The following PTPRZ1 variants were observed in gnomAD, a reference collection of about 807,000 sequenced individuals.
PTPRZ1 encodes the protein receptor-type tyrosine-protein phosphatase zeta.
Under a neutral mutation model 214.1 loss-of-function variants are expected in PTPRZ1, and 82 were observed. That is an observed-to-expected ratio of 0.38 (90% CI 0.32 to 0.46). PTPRZ1 has a LOEUF of 0.46. Ranked by LOEUF, PTPRZ1 falls within the 20% of genes least tolerant of loss-of-function variation. The pLI is 1.00. For synonymous variants in PTPRZ1, 945 were observed against 987.9 expected, an observed-to-expected ratio of 0.96 and a Z score of 0.81; for missense variants, 2,603 against 2,748.7, an observed-to-expected ratio of 0.95 and a Z score of 1.19.
intron 25 of PTPRZ1, among the ~76,000 whole-genome samples, chr7:122,052,148 A>G (rs1451412183): frequency 1.3e-5 from 2 of 152,162 alleles, no homozygotes; most frequent in African/African-American, 2.4e-5. Flanking sequence ...CTCAAGCAAG[A>G]CCAATTAGCA....
intron 2 of PTPRZ1, among the ~76,000 whole-genome samples, chr7:121,930,930 A>G (rs1037569576): frequency 1.2e-4 from 19 of 152,158 alleles, no homozygotes; most frequent in Non-Finnish European, 4.4e-5. Flanking sequence ...TAACCATGGA[A>G]GATGACATTA....
chr7:121,912,908 G>A (rs1235232244), intron 1 of PTPRZ1, among the ~76,000 whole-genome samples: 1 of 152,064 alleles, frequency 6.6e-6, no homozygotes, highest in African/African-American at 2.4e-5. Flanking sequence ...GAACAGAGAC[G>A]GGTAAATGAA....
intron 2 of PTPRZ1, among the ~76,000 whole-genome samples, chr7:121,928,899 T>A (rs1795843899): frequency 6.6e-6 from 1 of 152,138 alleles, no homozygotes; most frequent in Admixed American, 6.5e-5. Flanking sequence ...GGGTGAACCA[T>A]GACATGCCTA....
intron 18 of PTPRZ1, among the ~76,000 whole-genome samples, chr7:122,038,509 CT>C (rs140553499): frequency 0.26 from 27,295 of 106,242 alleles, 2,958 homozygotes; most frequent in African/African-American, 0.34. Context: ...GAGAGCTATT[CT>C]TTTTTTTTTT....
At chr7:121,889,940 C>T (rs1236527634) in intron 1 of PTPRZ1, among the ~76,000 whole-genome samples, 1 of 152,176 alleles carries the variant, frequency 6.6e-6, no homozygotes, top group East Asian at 1.9e-4. Flanking sequence ...TTCCTGCCAT[C>T]TCACTAGCCA....
Position 121,973,940 on chromosome 7 carries a change from GAAAAAAAAAAAA to G in PTPRZ1, c.456+1260_456+1271del, listed in dbSNP as rs371692415. ...TGGAGTGAGACGCTGTCTCAAAAAA[GAAAAAAAAAAAA>G]AAAAAAAAAAAGCAATTGATGGAAT... On this transcript the variant is annotated intron_variant, in intron 4 of 29. Transcript: ENST00000393386. 2.4e-4 allele frequency among the ~76,000 whole-genome samples: 21 copies of G among 86,224 alleles called. No individual in the cohort carries two copies. In the Admixed American group the frequency reaches 2.7e-3, roughly 11 times the overall value. The allele number at this position is 86,224 out of a possible 152,430, so 56.6% of individuals were successfully genotyped here.
At chr7:122,044,366 T>C in intron 22 of PTPRZ1, 56 bp from the exon 23 acceptor site, 7 of 1,595,910 alleles carry the variant, frequency 4.4e-6, no homozygotes, top group Non-Finnish European at 6.0e-6. Context: ...TGTTTGTAGG[T>C]AGATACATAT....
intron 23 of PTPRZ1, among the ~76,000 whole-genome samples, chr7:122,045,421 A>T (rs767370865): frequency 2.6e-5 from 4 of 152,126 alleles, no homozygotes; most frequent in Non-Finnish European, 5.9e-5. Context: ...ACAGCATAGG[A>T]TGTTAGCCAC....
At chr7:122,023,489 A>G (rs1008328063) in intron 13 of PTPRZ1, among the ~76,000 whole-genome samples, 3 of 135,152 alleles carry the variant, frequency 2.2e-5, no homozygotes, top group East Asian at 2.0e-4. Context: ...ATAATTTTAT[A>G]TATAATTATA....
chr7:122,048,636 GA>G (rs1308310589), intron 23 of PTPRZ1, among the ~76,000 whole-genome samples: 1 of 151,600 alleles, frequency 6.6e-6, no homozygotes, highest in Non-Finnish European at 1.5e-5. Flanking sequence ...TGTACCCAAA[GA>G]AATGAAAACT....
chr7:121,941,258 C>T (rs1796232888), intron 2 of PTPRZ1, among the ~76,000 whole-genome samples: 2 of 152,216 alleles, frequency 1.3e-5, no homozygotes, highest in South Asian at 4.1e-4. Flanking sequence ...ACAAAGTAAG[C>T]AGAAGACTGG....
Position 122,004,672 on chromosome 7 carries a change from AT to A in PTPRZ1, c.1287+17del. ...AAGAAATAATCAAGGTATCATAGCCATTTTTATATTCAAATGTTTTAATATT... is the reference window on the plus strand; with the variant it reads ...AAGAAATAATCAAGGTATCATAGCCATTTTATATTCAAATGTTTTAATATT... On this transcript the variant is annotated intron_variant, in intron 11 of 29. Coordinates refer to ENST00000393386, the MANE Select transcript of PTPRZ1 (RefSeq NM_002851.3). 1.5e-6 allele frequency: 2 copies of A among 1,319,582 alleles called. No individual in the cohort carries two copies. The highest frequency in any genetic ancestry group is 2.1e-6 in the Non-Finnish European group (2 of 942,390). 81.7% of individuals were successfully genotyped at this position (1,319,582 alleles called of 1,614,324 possible).
At chr7:121,964,079 T>A (rs898152551) in intron 2 of PTPRZ1, among the ~76,000 whole-genome samples, 1 of 152,106 alleles carries the variant, frequency 6.6e-6, no homozygotes, top group African/African-American at 2.4e-5. Flanking sequence ...TTGATCAAAT[T>A]TTTTTGGTTA....
chr7:122,045,252 G>T (rs1482908703), intron 23 of PTPRZ1, among the ~76,000 whole-genome samples: 2 of 152,080 alleles, frequency 1.3e-5, no homozygotes, highest in Non-Finnish European at 2.9e-5. Context: ...ACTCCACATT[G>T]TTCCTGTGCT....
chr7:122,041,322 T>TG (rs1487456318), intron 21 of PTPRZ1, among the ~76,000 whole-genome samples: 1 of 148,040 alleles, frequency 6.8e-6, no homozygotes, highest in Non-Finnish European at 1.5e-5. Flanking sequence ...ATAAAAATGC[T>TG]TGAGCTACAA....
chr7:122,040,773 TGTGTG>T, intron 20 of PTPRZ1, 38 bp from the exon 21 acceptor site: 2 of 1,143,310 alleles, frequency 1.7e-6, no homozygotes, highest in African/African-American at 3.1e-5. Context: ...TGTGTGTGTG[TGTGTG>T]TGTGTTTGAC....
At chr7:122,006,384 C>G (rs1220468979) in intron 11 of PTPRZ1, among the ~76,000 whole-genome samples, 1 of 152,050 alleles carries the variant, frequency 6.6e-6, no homozygotes, top group Admixed American at 6.6e-5. Context: ...CCAATCTCTG[C>G]CTGTCGCCCC....
In PTPRZ1 at chr7:122,051,412, T is replaced by C. The variant is rs1441401949; in HGVS notation, c.6085-16T>C. On this transcript the variant is annotated splice_polypyrimidine_tract_variant and intron_variant, in intron 23 of 29. Transcript: ENST00000393386. ...TAAATGAAATAACCTATATATTTTT[T>C]TACTTTCTTGCCCAGCTCCTGAGCC... is the stretch of plus-strand genomic sequence containing the variant. 1 of 1,601,310 alleles carries C rather than the reference T, an allele frequency of 6.2e-7. No individual in the cohort carries two copies. Among genetic ancestry groups the C allele is most frequent in the Non-Finnish European group, 8.5e-7 (1 of 1,169,772 alleles).
intron 2 of PTPRZ1, among the ~76,000 whole-genome samples, chr7:121,928,794 T>C (rs1010629980): frequency 2.0e-5 from 3 of 152,186 alleles, no homozygotes; most frequent in African/African-American, 7.2e-5. Context: ...TATGAACATC[T>C]GAAGTTGGCT....
Sources: allele counts gnomAD v4.1 joint callset (sites outside exome capture counted in the v4.1 genomes callset), GRCh38; gene constraint gnomAD v4.1.1; transcripts MANE v1.5; gene names NCBI Gene and HGNC (gene_info 2026-07-23, HGNC 2026-07-21).